UGGT2: variants seen among roughly 807,000 people sequenced by gnomAD.
UGGT2 encodes UDP-glucose:glycoprotein glucosyltransferase 2.
UGGT2 carries 180 observed loss-of-function variants against 192.1 expected under a neutral mutation model. The ratio of observed to expected loss-of-function variants is 0.94; its 90% CI spans 0.83 to 1.06. UGGT2 has a LOEUF of 1.06. Among genes scored for constraint, UGGT2 ranks in the 50% least tolerant of loss-of-function variants. The pLI is 0.00. For missense variants in UGGT2, 1,849 were observed against 1,795.7 expected (o/e 1.03, Z -0.54); for synonymous variants, 580 against 591.0 (o/e 0.98, Z 0.27).
At chr13:95,883,505 G>A (rs1186039340) in intron 27 of UGGT2, among the ~76,000 whole-genome samples, 2 of 152,128 alleles carry the variant, frequency 1.3e-5, no homozygotes, top group African/African-American at 4.8e-5. Flanking sequence ...CAGGGGAGGG[G>A]CCTGGTGGGA....
At chr13:96,044,986 A>G (rs1453513407) in intron 1 of UGGT2, among the ~76,000 whole-genome samples, 1 of 152,198 alleles carries the variant, frequency 6.6e-6, no homozygotes. Flanking sequence ...TCCTGAAATC[A>G]TTCTATGAAG....
At chr13:95,858,245 T>C (rs552225301) in intron 33 of UGGT2, among the ~76,000 whole-genome samples, 1 of 152,040 alleles carries the variant, frequency 6.6e-6, no homozygotes, top group African/African-American at 2.4e-5. Flanking sequence ...CCCTTCACCC[T>C]ATCTCCCAGG....
intron 20 of UGGT2, among the ~76,000 whole-genome samples, chr13:95,909,363 CA>C: frequency 6.6e-6 from 1 of 151,634 alleles, no homozygotes; most frequent in African/African-American, 2.4e-5. Flanking sequence ...AAATGTCCAA[CA>C]ATGATAGACT....
At chr13:95,830,509 C>G (rs560870263) in intron 38 of UGGT2, among the ~76,000 whole-genome samples, 122 of 152,278 alleles carry the variant, frequency 8.0e-4, no homozygotes, top group African/African-American at 2.9e-3. Flanking sequence ...ATTTATGCAG[C>G]CAACAGACAC....
At chr13:95,830,800 A>G (rs959990767) in intron 38 of UGGT2, among the ~76,000 whole-genome samples, 7 of 152,226 alleles carry the variant, frequency 4.6e-5, no homozygotes, top group East Asian at 3.9e-4. Context: ...AGGATTATAA[A>G]TCATGCTGCT....
Position 95,836,968 on chromosome 13 carries a change from G to T in UGGT2, c.4401+118C>A, listed in dbSNP as rs988823711. On this transcript the variant is annotated intron_variant, in intron 37 of 38. Transcript: ENST00000376747. ...AACCTAAGTAAATGTGTAATAGACT[G>T]AACAGCAGAAGAAGCGAAGTAATAC... 6 of 856,736 alleles carry T rather than the reference G, an allele frequency of 7.0e-6. No homozygotes were observed. In the Admixed American group the frequency reaches 1.1e-4, roughly 16 times the overall value. 53.1% of individuals were successfully genotyped at this position (856,736 alleles called of 1,614,324 possible).
chr13:95,876,471 A>G (rs552705205), intron 29 of UGGT2, among the ~76,000 whole-genome samples: 24 of 152,272 alleles, frequency 1.6e-4, no homozygotes, highest in South Asian at 8.3e-4. Flanking sequence ...GCTTGGGGCT[A>G]CAGGATCTGG....
intron 5 of UGGT2, among the ~76,000 whole-genome samples, chr13:96,001,583 A>T (rs1475521161): frequency 2.6e-5 from 4 of 152,210 alleles, no homozygotes; most frequent in African/African-American, 2.4e-5. Flanking sequence ...AGATTCTCAC[A>T]ACAGATGGGC....
intron 9 of UGGT2, among the ~76,000 whole-genome samples, chr13:95,985,529 T>C (rs558669318): frequency 7.9e-5 from 12 of 152,312 alleles, no homozygotes; most frequent in Admixed American, 5.9e-4. Context: ...AATCATTCTA[T>C]GCTTAGGAAG....
intron 20 of UGGT2, among the ~76,000 whole-genome samples, chr13:95,909,849 G>A (rs1458249135): frequency 4.2e-5 from 6 of 143,194 alleles, no homozygotes; most frequent in South Asian, 4.6e-4. Flanking sequence ...GAGAAAGGTC[G>A]AGTTATCGAC....
At chr13:95,957,552 G>GC (rs1441515320) in intron 12 of UGGT2, among the ~76,000 whole-genome samples, 4 of 152,204 alleles carry the variant, frequency 2.6e-5, no homozygotes, top group African/African-American at 9.6e-5. Flanking sequence ...ATATCTGAAA[G>GC]CTTGCCAGAA....
intron 31 of UGGT2, 138 bp from the exon 32 acceptor site, chr13:95,861,021 CTA>C: frequency 2.4e-6 from 1 of 415,100 alleles, no homozygotes; most frequent in Non-Finnish European, 4.2e-6. Context: ...TATTTACAAA[CTA>C]ATATTAAAAT....
chr13:95,829,516 T>C (rs1886432678), intron 38 of UGGT2, among the ~76,000 whole-genome samples: 1 of 152,126 alleles, frequency 6.6e-6, no homozygotes, highest in Admixed American at 6.5e-5. Context: ...AGCATTCCTA[T>C]ACACCATTAA....
chr13:96,033,105 A>C (rs1006073818), intron 1 of UGGT2, among the ~76,000 whole-genome samples: 31 of 152,224 alleles, frequency 2.0e-4, no homozygotes, highest in African/African-American at 7.2e-4. Flanking sequence ...GGACCTCTTC[A>C]AGGAGAACTA....
chr13:95,899,868 G>A (rs1594267563), intron 22 of UGGT2, among the ~76,000 whole-genome samples: 1 of 152,072 alleles, frequency 6.6e-6, no homozygotes, highest in Admixed American at 6.6e-5. Flanking sequence ...GTACATAGAT[G>A]AACCTGAATC....
intron 4 of UGGT2, among the ~76,000 whole-genome samples, chr13:96,019,089 GAAAA>G (rs965786176): frequency 2.4e-5 from 2 of 81,808 alleles, no homozygotes; most frequent in African/African-American, 9.7e-5. Flanking sequence ...TTCACAAAAG[GAAAA>G]AAAAAATTAT....
At position 95,802,813 on chromosome 13, in the gene UGGT2, TTTTGTTTG is replaced by T. The variant is rs146912861; in HGVS notation, c.4529-1009_4529-1002del. Among the ~76,000 whole-genome samples the T allele has an allele frequency of 1.9e-3, 289 of 151,062 alleles. 3 individuals carry two copies. Among genetic ancestry groups the T allele is most frequent in the African/African-American group, 3.8e-3 (157 of 41,008 alleles). ...TGACAGCCTGGTATTAGCTATCCTT[TTTTGTTTG>T]TTTGTTTGTTTGTTTGTTTGTTTGT... On this transcript the variant is annotated intron_variant, in intron 38 of 38. Coordinates refer to ENST00000376747, the MANE Select transcript of UGGT2 (RefSeq NM_020121.4).
chr13:95,917,039 T>C (rs1346224399), intron 20 of UGGT2, among the ~76,000 whole-genome samples: 2 of 152,072 alleles, frequency 1.3e-5, no homozygotes, highest in African/African-American at 4.8e-5. Flanking sequence ...ATTCAGGAAA[T>C]GTGGAGAACC....
intron 36 of UGGT2, among the ~76,000 whole-genome samples, chr13:95,847,552 C>T (rs1888595105): frequency 6.6e-6 from 1 of 152,130 alleles, no homozygotes; most frequent in African/African-American, 2.4e-5. Flanking sequence ...TAGAATAATA[C>T]AGTATGTAAT....
Sources: allele counts gnomAD v4.1 joint callset (sites outside exome capture counted in the v4.1 genomes callset), GRCh38; gene constraint gnomAD v4.1.1; transcripts MANE v1.5; gene names NCBI Gene and HGNC (gene_info 2026-07-23, HGNC 2026-07-21).